Variants in SPOCK1 observed in about 807,000 individuals in gnomAD.
SPOCK1 encodes SPARC (osteonectin), cwcv and kazal like domains proteoglycan 1, also known as testican-1.
SPOCK1 carries 23 observed loss-of-function variants against 55.3 expected under a neutral mutation model. The ratio of observed to expected loss-of-function variants is 0.42; its 90% CI spans 0.30 to 0.59. SPOCK1 has a LOEUF of 0.59. SPOCK1 is among the 20% of genes least tolerant of loss of function. The pLI, the probability that SPOCK1 is intolerant of heterozygous loss-of-function variation, is 0.22. For synonymous variants in SPOCK1, 226 were observed against 221.0 expected (o/e 1.02, Z -0.20); for missense variants, 499 against 552.5 (o/e 0.90, Z 0.97).
At chr5:137,131,119 T>C (rs1365696769) in intron 4 of SPOCK1, among the ~76,000 whole-genome samples, 1 of 152,218 alleles carries the variant, frequency 6.6e-6, no homozygotes, top group Non-Finnish European at 1.5e-5. Context: ...AGAATGTCTT[T>C]CACGGTTCAT....
At chr5:137,324,906 G>A (rs1758046991) in intron 2 of SPOCK1, among the ~76,000 whole-genome samples, 1 of 151,266 alleles carries the variant, frequency 6.6e-6, no homozygotes, top group Admixed American at 6.6e-5. Context: ...AAGGGACAGA[G>A]AGAGCAGACC....
At chr5:137,032,553 C>G (rs926201262) in intron 6 of SPOCK1, among the ~76,000 whole-genome samples, 5 of 152,002 alleles carry the variant, frequency 3.3e-5, no homozygotes, top group Admixed American at 3.3e-4. Flanking sequence ...CACGAGGTAG[C>G]GTAAGTGAAT....
chr5:137,497,991 G>A (rs1312405312), intron 2 of SPOCK1, among the ~76,000 whole-genome samples: 1 of 152,086 alleles, frequency 6.6e-6, no homozygotes, highest in African/African-American at 2.4e-5. Context: ...CTGCCCCGGG[G>A]AGGTTTTCTC....
At chr5:137,407,783 A>C (rs535258453) in intron 2 of SPOCK1, among the ~76,000 whole-genome samples, 22 of 152,290 alleles carry the variant, frequency 1.4e-4, no homozygotes, top group African/African-American at 5.3e-4. Flanking sequence ...CGCACCTATC[A>C]GCAGAGCCAT....
At chr5:137,130,790 G>A (rs1199832169) in intron 4 of SPOCK1, among the ~76,000 whole-genome samples, 2 of 152,330 alleles carry the variant, frequency 1.3e-5, no homozygotes, top group East Asian at 3.9e-4. Context: ...CAGGCTGAGA[G>A]GAGAACTTCT....
intron 5 of SPOCK1, among the ~76,000 whole-genome samples, chr5:137,088,431 G>GTT (rs1179397614): frequency 1.3e-5 from 2 of 152,202 alleles, no homozygotes; most frequent in African/African-American, 4.8e-5. Flanking sequence ...ATATGGGTTT[G>GTT]TTTCTACTTT....
intron 3 of SPOCK1, among the ~76,000 whole-genome samples, chr5:137,188,154 A>T (rs1212278985): frequency 1.3e-5 from 2 of 152,182 alleles, no homozygotes; most frequent in East Asian, 3.9e-4. Context: ...AGCTCTTACT[A>T]TGCTATCCAA....
Position 136,978,539 on chromosome 5 carries a change from A to G in SPOCK1, c.*115T>C, listed in dbSNP as rs981828837. 6.9e-5 allele frequency: 80 copies of G among 1,153,774 alleles called. No homozygotes were observed. Among genetic ancestry groups the G allele is most frequent in the Non-Finnish European group, 1.5e-5 (12 of 819,984 alleles). 71.5% of individuals were successfully genotyped at this position (1,153,774 alleles called of 1,614,324 possible). ...TTGTCTTCCAAACCTTAGGTCGGGT[A>G]TAGAGAGCAACAATGGAGAAGAGAC... On this transcript the variant is annotated 3_prime_UTR_variant, in exon 11 of 11. Transcript: ENST00000394945.
chr5:136,999,228 G>T (rs1049162566), intron 6 of SPOCK1, among the ~76,000 whole-genome samples: 4 of 152,154 alleles, frequency 2.6e-5, no homozygotes, highest in African/African-American at 9.7e-5. Flanking sequence ...CCGCAGCCTT[G>T]GTGGGGTTGT....
chr5:136,986,747 T>TA (rs35361693), intron 8 of SPOCK1, among the ~76,000 whole-genome samples: 24,267 of 152,058 alleles, frequency 0.16, 2,317 homozygotes, highest in African/African-American at 0.25. Context: ...ACAAGGGAAG[T>TA]ATAATAATTG....
chr5:137,081,964 T>G lies in SPOCK1; in HGVS notation c.475-14135A>C, dbSNP rs369662787. Among the ~76,000 whole-genome samples the G allele has an allele frequency of 2.0e-5, 3 of 152,172 alleles. No homozygotes were observed. The East Asian group carries it at 5.8e-4, about 29-fold the overall frequency. On this transcript the variant is annotated intron_variant, in intron 5 of 10. Coordinates refer to ENST00000394945, the MANE Select transcript of SPOCK1 (RefSeq NM_004598.4). ...TTTTTCCTTTCTTTTGATTACACAG[T>G]TTTTCTGCAACATGTCTGATCTCAT... is the stretch of plus-strand genomic sequence containing the variant.
chr5:137,226,971 A>G (rs1266075673), intron 3 of SPOCK1, among the ~76,000 whole-genome samples: 1 of 152,238 alleles, frequency 6.6e-6, no homozygotes, highest in Non-Finnish European at 1.5e-5. Flanking sequence ...GAATGCATGG[A>G]TAGCTAGCTC....
chr5:137,259,015 C>A (rs771204908), intron 3 of SPOCK1, among the ~76,000 whole-genome samples: 7 of 152,176 alleles, frequency 4.6e-5, no homozygotes, highest in Non-Finnish European at 7.4e-5. Flanking sequence ...CCTGACAGAA[C>A]TGACTGAGCA....
intron 2 of SPOCK1, among the ~76,000 whole-genome samples, chr5:137,389,629 T>C (rs1466153640): frequency 6.6e-6 from 1 of 152,156 alleles, no homozygotes; most frequent in African/African-American, 2.4e-5. Flanking sequence ...GACATCCTCA[T>C]CTCACAGACT....
chr5:137,234,932 C>T (rs1756147014), intron 3 of SPOCK1, among the ~76,000 whole-genome samples: 2 of 152,198 alleles, frequency 1.3e-5, no homozygotes, highest in African/African-American at 4.8e-5. Context: ...ACAACACTGA[C>T]ATTAAAGGGT....
In SPOCK1 at chr5:137,494,817, C is replaced by A. The variant is rs1754265512; in HGVS notation, c.186+3556G>T. 2.0e-5 allele frequency among the ~76,000 whole-genome samples: 3 copies of A among 152,188 alleles called. No homozygotes were observed. The South Asian group carries it at 6.2e-4, about 32-fold the overall frequency. ...ATATTTGTTGGAATGAATGAAGGTA[C>A]AAATGAACAGAGGAAAATTTCCTTA... On this transcript the variant is annotated intron_variant, in intron 2 of 10. Transcript: ENST00000394945.
chr5:137,420,808 C>T (rs1324925989), intron 2 of SPOCK1, among the ~76,000 whole-genome samples: 1 of 152,136 alleles, frequency 6.6e-6, no homozygotes, highest in African/African-American at 2.4e-5. Flanking sequence ...CAGTTCTGCT[C>T]TGATCTTAGT....
At chr5:137,133,043 T>C (rs981606529) in intron 4 of SPOCK1, among the ~76,000 whole-genome samples, 31 of 152,140 alleles carry the variant, frequency 2.0e-4, no homozygotes, top group African/African-American at 7.2e-4. Flanking sequence ...GTGTGACACA[T>C]TTTACTGGCA....
chr5:137,368,943 AT>A (rs1751137464), intron 2 of SPOCK1, among the ~76,000 whole-genome samples: 3 of 152,136 alleles, frequency 2.0e-5, no homozygotes, highest in Non-Finnish European at 4.4e-5. Context: ...GCTGTATTTC[AT>A]TTCTTTTGTG....
Sources: gnomAD v4.1 joint callset for allele counts (sites outside exome capture counted in the v4.1 genomes callset) on GRCh38, gnomAD v4.1.1 for gene constraint, MANE v1.5 for transcripts, NCBI Gene and HGNC (gene_info 2026-07-23, HGNC 2026-07-21) for gene names.